MDGA2: variants seen among roughly 807,000 people sequenced by gnomAD.
The protein encoded by MDGA2 is MAM domain-containing glycosylphosphatidylinositol anchor protein 2.
A neutral mutation model predicts 117.8 loss-of-function variants in MDGA2; 40 were observed. The observed-to-expected ratio is 0.34, with a 90% CI of 0.26 to 0.44. The LOEUF is 0.44. Ranked by LOEUF, MDGA2 falls within the 20% of genes least tolerant of loss-of-function variation. The pLI is 1.00. For synonymous variants in MDGA2, 452 were observed against 439.0 expected (o/e 1.03, Z -0.37); for missense variants, 1,123 against 1,250.6 (o/e 0.90, Z 1.54).
chr14:47,116,831 A>G (rs1415192601), intron 5 of MDGA2, among the ~76,000 whole-genome samples: 1 of 152,072 alleles, frequency 6.6e-6, no homozygotes, highest in Non-Finnish European at 1.5e-5. Context: ...AGAGGAAAAG[A>G]TTCATTCCAT....
chr14:47,255,698 T>C (rs1010797991), intron 2 of MDGA2, among the ~76,000 whole-genome samples: 1 of 152,068 alleles, frequency 6.6e-6, no homozygotes, highest in African/African-American at 2.4e-5. Flanking sequence ...AATAGGTGCA[T>C]TAGCTTTTAT....
chr14:47,632,921 A>T (rs1897264232), intron 1 of MDGA2, among the ~76,000 whole-genome samples: 1 of 152,152 alleles, frequency 6.6e-6, no homozygotes, highest in Non-Finnish European at 1.5e-5. Context: ...GTGAACCTGA[A>T]GGAGTTGTTT....
At chr14:47,532,799 T>A (rs942088043) in intron 1 of MDGA2, among the ~76,000 whole-genome samples, 5 of 152,194 alleles carry the variant, frequency 3.3e-5, no homozygotes, top group Non-Finnish European at 7.4e-5. Flanking sequence ...CAAATTAAAA[T>A]CCAGATGTAG....
intron 9 of MDGA2, among the ~76,000 whole-genome samples, chr14:46,933,518 T>C (rs1322863687): frequency 3.3e-5 from 5 of 151,532 alleles, no homozygotes; most frequent in Admixed American, 2.6e-4. Context: ...AAGTGTTTAA[T>C]AAATGTTAAT....
intron 2 of MDGA2, among the ~76,000 whole-genome samples, chr14:47,229,278 T>C (rs1012178375): frequency 2.0e-5 from 3 of 152,124 alleles, no homozygotes; most frequent in Non-Finnish European, 2.9e-5. Flanking sequence ...GTGTGATAGC[T>C]GGGAATCCAG....
At chr14:47,449,357 A>G (rs913052026) in intron 1 of MDGA2, among the ~76,000 whole-genome samples, 2 of 152,176 alleles carry the variant, frequency 1.3e-5, no homozygotes, top group African/African-American at 2.4e-5. Flanking sequence ...GGAGCAAAGT[A>G]GACTATTAGA....
chr14:47,310,705 CA>C (rs1889607189), intron 1 of MDGA2, among the ~76,000 whole-genome samples: 1 of 151,670 alleles, frequency 6.6e-6, no homozygotes, highest in Non-Finnish European at 1.5e-5. Flanking sequence ...AATTTTAGAC[CA>C]AAAACCCCAT....
chr14:47,465,286 A>G (rs1400374611), intron 1 of MDGA2, among the ~76,000 whole-genome samples: 1 of 152,196 alleles, frequency 6.6e-6, no homozygotes, highest in African/African-American at 2.4e-5. Context: ...AGATTTCATG[A>G]CAAAGATACC....
intron 3 of MDGA2, among the ~76,000 whole-genome samples, chr14:47,157,595 ATGTGTGTGTGTGTGTGTGTG>A (rs55697311): frequency 2.8e-5 from 4 of 144,436 alleles, no homozygotes; most frequent in Admixed American, 1.4e-4. Context: ...ATGTACATAT[ATGTGTGTGTGTGTGTGTGTG>A]TGTGTGTGTG....
intron 3 of MDGA2, among the ~76,000 whole-genome samples, chr14:47,175,668 C>A (rs1429664304): frequency 6.6e-6 from 1 of 151,328 alleles, no homozygotes; most frequent in Non-Finnish European, 1.5e-5. Flanking sequence ...TAAGAGCTAT[C>A]TATGACAAAC....
At chr14:47,055,798 C>A (rs76659599) in intron 7 of MDGA2, among the ~76,000 whole-genome samples, 4,402 of 152,156 alleles carry the variant, frequency 0.029, 84 homozygotes, top group Middle Eastern at 0.082. Flanking sequence ...TGGCAGCTTG[C>A]CCATTATCAT....
intron 3 of MDGA2, among the ~76,000 whole-genome samples, chr14:47,208,476 A>C (rs1885765539): frequency 1.3e-5 from 2 of 151,826 alleles, no homozygotes; most frequent in Admixed American, 1.3e-4. Flanking sequence ...TTTTATATTC[A>C]AACCATTTTA....
rs75380806 is a variant in MDGA2 at position 47,606,684 on chromosome 14, T to C, written c.280+67833A>G. ...CACCACCCTTCCCTACAGTGCACAG[T>C]ATACTTATAAAGATGTATGATATGA... is the stretch of plus-strand genomic sequence containing the variant. On this transcript the variant is annotated intron_variant, in intron 1 of 16. Transcript: ENST00000399232. Among the ~76,000 whole-genome samples the C allele has an allele frequency of 5.9e-3, 899 of 152,280 alleles. 8 individuals carry two copies. Among genetic ancestry groups the C allele is most frequent in the African/African-American group, 0.021 (871 of 41,566 alleles).
chr14:46,942,877 A>G (rs970166272), intron 9 of MDGA2, among the ~76,000 whole-genome samples: 5 of 152,128 alleles, frequency 3.3e-5, no homozygotes, highest in Admixed American at 1.3e-4. Flanking sequence ...GTCTTTGTGT[A>G]TACATGTGCT....
At chr14:47,182,296 G>T (rs1335390257) in intron 3 of MDGA2, among the ~76,000 whole-genome samples, 2 of 152,010 alleles carry the variant, frequency 1.3e-5, no homozygotes, top group African/African-American at 4.8e-5. Flanking sequence ...TATAGACTAA[G>T]TTATGTACCC....
intron 7 of MDGA2, among the ~76,000 whole-genome samples, chr14:47,039,601 C>T (rs377521153): frequency 3.9e-5 from 6 of 152,082 alleles, no homozygotes; most frequent in African/African-American, 1.4e-4. Flanking sequence ...CTACAAACCT[C>T]AATGAGAGTG....
chr14:47,522,969 C>T (rs958556896), intron 1 of MDGA2, among the ~76,000 whole-genome samples: 14 of 152,236 alleles, frequency 9.2e-5, no homozygotes, highest in Admixed American at 6.5e-4. Flanking sequence ...CATTCAAGAA[C>T]GTTATTCAAT....
intron 1 of MDGA2, among the ~76,000 whole-genome samples, chr14:47,469,994 A>C (rs954619561): frequency 6.6e-6 from 1 of 152,166 alleles, no homozygotes; most frequent in Admixed American, 6.6e-5. Flanking sequence ...GAGTTGAAAC[A>C]GTCAGTAACC....
At chr14:47,421,737 C>G (rs961618366) in intron 1 of MDGA2, among the ~76,000 whole-genome samples, 4 of 151,990 alleles carry the variant, frequency 2.6e-5, no homozygotes, top group African/African-American at 9.7e-5. Flanking sequence ...AAGACTAAAG[C>G]TGTTTATTAC....
Sources: gnomAD v4.1 joint callset for allele counts (sites outside exome capture counted in the v4.1 genomes callset) on GRCh38, gnomAD v4.1.1 for gene constraint, MANE v1.5 for transcripts, NCBI Gene and HGNC (gene_info 2026-07-23, HGNC 2026-07-21) for gene names.